The following RPS6KC1 variants were observed in gnomAD, a reference collection of about 807,000 sequenced individuals.
RPS6KC1 encodes ribosomal protein S6 kinase C1.
RPS6KC1 carries 54 observed loss-of-function variants against 103.8 expected under a neutral mutation model. That is an observed-to-expected ratio of 0.52 (90% CI 0.42 to 0.65). The LOEUF is 0.65. Among genes scored for constraint, RPS6KC1 ranks in the 30% least tolerant of loss-of-function variants. The pLI, the probability that RPS6KC1 is intolerant of heterozygous loss-of-function variation, is 0.00. For missense variants in RPS6KC1, 1,151 were observed against 1,253.8 expected (o/e 0.92, Z 1.24); for synonymous variants, 439 against 438.7 (o/e 1.00, Z -0.01).
At chr1:213,219,309 A>G (rs2093759580) in intron 8 of RPS6KC1, among the ~76,000 whole-genome samples, 2 of 152,240 alleles carry the variant, frequency 1.3e-5, no homozygotes, top group Non-Finnish European at 2.9e-5. Flanking sequence ...CCACAGTGAG[A>G]TACCATCTCA....
chr1:213,090,144 C>T (rs1300217149), intron 3 of RPS6KC1, among the ~76,000 whole-genome samples: 2 of 152,188 alleles, frequency 1.3e-5, no homozygotes, highest in African/African-American at 2.4e-5. Context: ...TTCTCACCAT[C>T]AAGTTTTTAA....
the RPS6KC1 span, among the ~76,000 whole-genome samples, chr1:213,458,153 C>A: frequency 6.6e-6 from 1 of 152,122 alleles, no homozygotes; most frequent in Admixed American, 6.5e-5. Flanking sequence ...GCCCCATCCT[C>A]CTTCCCCCTC....
At chr1:213,518,963 CA>C in the RPS6KC1 span, among the ~76,000 whole-genome samples, 18 of 152,288 alleles carry the variant, frequency 1.2e-4, no homozygotes, top group Admixed American at 5.2e-4. Context: ...AGGGATATCT[CA>C]GACGACCCAT....
the RPS6KC1 span, among the ~76,000 whole-genome samples, chr1:213,483,242 G>T: frequency 3.6e-3 from 546 of 152,156 alleles, 3 homozygotes; most frequent in African/African-American, 0.013. Context: ...ACAGCATGAG[G>T]GTAACCACCC....
the RPS6KC1 span, among the ~76,000 whole-genome samples, chr1:213,720,533 G>A: frequency 1.3e-5 from 2 of 152,184 alleles, no homozygotes; most frequent in Non-Finnish European, 2.9e-5. Flanking sequence ...CTCATTATAG[G>A]TAGAGGATTT....
the RPS6KC1 span, among the ~76,000 whole-genome samples, chr1:213,570,508 C>A: frequency 6.6e-6 from 1 of 152,208 alleles, no homozygotes; most frequent in South Asian, 2.1e-4. Context: ...GCAATCATGG[C>A]ATTCTGTGTC....
chr1:213,299,944 A>G, the RPS6KC1 span, among the ~76,000 whole-genome samples: 9 of 152,242 alleles, frequency 5.9e-5, no homozygotes, highest in Non-Finnish European at 1.3e-4. Context: ...AGCTGAGACT[A>G]CAGGTGCCTG....
At chr1:213,112,703 A>G (rs913079489) in intron 4 of RPS6KC1, among the ~76,000 whole-genome samples, 4 of 151,794 alleles carry the variant, frequency 2.6e-5, no homozygotes, top group African/African-American at 7.3e-5. Context: ...TCCCAATGCT[A>G]TCCCTCCCCT....
chr1:213,558,941 G>C, the RPS6KC1 span, among the ~76,000 whole-genome samples: 3 of 152,196 alleles, frequency 2.0e-5, no homozygotes, highest in Admixed American at 1.3e-4. Flanking sequence ...ACATATTGTA[G>C]TTCAAGAGGC....
At chr1:213,653,288 T>C in the RPS6KC1 span, among the ~76,000 whole-genome samples, 1 of 152,040 alleles carries the variant, frequency 6.6e-6, no homozygotes, top group African/African-American at 2.4e-5. Context: ...CAAGACCCCA[T>C]CTCTATTGAA....
intron 6 of RPS6KC1, among the ~76,000 whole-genome samples, chr1:213,142,407 C>T (rs188849161): frequency 5.9e-5 from 9 of 152,096 alleles, no homozygotes; most frequent in South Asian, 4.2e-4. Context: ...GGAGCTAGTA[C>T]GGTCTTTTGG....
chr1:213,145,244 G>T (rs1189112519), intron 6 of RPS6KC1, among the ~76,000 whole-genome samples: 5 of 152,120 alleles, frequency 3.3e-5, no homozygotes, highest in Admixed American at 2.0e-4. Flanking sequence ...GATTGTCCCA[G>T]ATTGCTGTCT....
chr1:213,449,647 A>T, the RPS6KC1 span, among the ~76,000 whole-genome samples: 1 of 152,198 alleles, frequency 6.6e-6, no homozygotes, highest in African/African-American at 2.4e-5. Context: ...GCAGGACACA[A>T]TTCAGTCTAT....
chr1:213,263,290 G>T (rs1460610688), intron 14 of RPS6KC1, among the ~76,000 whole-genome samples: 1 of 152,208 alleles, frequency 6.6e-6, no homozygotes, highest in Non-Finnish European at 1.5e-5. Flanking sequence ...TGGAACTTGG[G>T]CATTGGTGTC....
At chr1:213,103,954 G>A (rs1026176984) in intron 3 of RPS6KC1, among the ~76,000 whole-genome samples, 14 of 152,062 alleles carry the variant, frequency 9.2e-5, no homozygotes, top group Non-Finnish European at 1.9e-4. Context: ...AGCATCACAC[G>A]TTGAATTTAG....
At chr1:213,164,439 C>T (rs2090767623) in intron 6 of RPS6KC1, among the ~76,000 whole-genome samples, 1 of 152,170 alleles carries the variant, frequency 6.6e-6, no homozygotes, top group Non-Finnish European at 1.5e-5. Flanking sequence ...CCTGTATGAT[C>T]AGAAATTGAG....
chr1:213,440,018 C>T, the RPS6KC1 span, among the ~76,000 whole-genome samples: 8 of 152,182 alleles, frequency 5.3e-5, no homozygotes, highest in South Asian at 6.2e-4. Flanking sequence ...TACATAGCTA[C>T]GGTTTTCTGT....
the RPS6KC1 span, among the ~76,000 whole-genome samples, chr1:213,314,476 A>T: frequency 2.6e-5 from 4 of 152,180 alleles, no homozygotes; most frequent in African/African-American, 9.7e-5. Flanking sequence ...CAAGGAATGG[A>T]ATCCTGAGAT....
chr1:213,112,281 TCTA>T (rs1176301657), intron 4 of RPS6KC1, among the ~76,000 whole-genome samples: 1 of 152,058 alleles, frequency 6.6e-6, no homozygotes, highest in Non-Finnish European at 1.5e-5. Flanking sequence ...TATAAGCTCT[TCTA>T]TTGTGATTGG....
Sources: gnomAD v4.1 joint callset for allele counts (sites outside exome capture counted in the v4.1 genomes callset) on GRCh38, gnomAD v4.1.1 for gene constraint, MANE v1.5 for transcripts, NCBI Gene and HGNC (gene_info 2026-07-23, HGNC 2026-07-21) for gene names.